Variants in NBEA observed in about 807,000 individuals in gnomAD.
The protein encoded by NBEA is neurobeachin, also known as lysosomal-trafficking regulator 2.
A neutral mutation model predicts 343.4 loss-of-function variants in NBEA; 44 were observed. The observed-to-expected ratio is 0.13, with a 90% CI of 0.10 to 0.16. NBEA has a LOEUF of 0.16. Among genes scored for constraint, NBEA ranks in the 10% least tolerant of loss-of-function variants. The pLI, the probability that NBEA is intolerant of heterozygous loss-of-function variation, is 1.00. For missense variants in NBEA, 2,555 were observed against 3,631.3 expected, an observed-to-expected ratio of 0.70 and a Z score of 7.62; for synonymous variants, 1,175 against 1,238.7, an observed-to-expected ratio of 0.95 and a Z score of 1.08.
intron 10 of NBEA, among the ~76,000 whole-genome samples, chr13:35,083,509 A>G (rs2064543605): frequency 6.6e-6 from 1 of 152,142 alleles, no homozygotes; most frequent in Admixed American, 6.6e-5. Context: ...CAGCCAAACT[A>G]AGCTTCATAA....
At chr13:35,293,639 C>A (rs1201391484) in intron 35 of NBEA, among the ~76,000 whole-genome samples, 1 of 151,844 alleles carries the variant, frequency 6.6e-6, no homozygotes, top group Non-Finnish European at 1.5e-5. Flanking sequence ...AGTGCTTATT[C>A]TCTATTTGTG....
At chr13:35,124,752 ATG>A (rs1246752839) in intron 17 of NBEA, among the ~76,000 whole-genome samples, 5 of 150,912 alleles carry the variant, frequency 3.3e-5, no homozygotes, top group African/African-American at 7.4e-5. Flanking sequence ...ATACACACAT[ATG>A]TATGGATATA....
At position 35,442,917 on chromosome 13, in the gene NBEA, G is replaced by A. The variant is rs369753628; in HGVS notation, c.6305-9175G>A. Among the ~76,000 whole-genome samples, 10 of 152,188 alleles carry A rather than the reference G, an allele frequency of 6.6e-5. No homozygotes were observed. In the East Asian group the frequency reaches 1.9e-3, roughly 29 times the overall value. The stretch of plus-strand genomic sequence containing the variant: ...ATCAGAGTATATTGTCAGCTTACTG[G>A]AGTTGGGGAAGCATGAAATGAAAAT... On this transcript the variant is annotated intron_variant, in intron 39 of 58. Coordinates refer to ENST00000379939, the MANE Select transcript of NBEA (RefSeq NM_001385012.1).
intron 1 of NBEA, among the ~76,000 whole-genome samples, chr13:34,958,814 G>T (rs1370773559): frequency 6.6e-6 from 1 of 152,120 alleles, no homozygotes; most frequent in African/African-American, 2.4e-5. Context: ...TATCAAAGTA[G>T]AGTTAAATGG....
At chr13:35,211,343 A>G (rs1474117575) in intron 33 of NBEA, among the ~76,000 whole-genome samples, 164 bp downstream of exon 33, 1 of 152,178 alleles carries the variant, frequency 6.6e-6, no homozygotes, top group African/African-American at 2.4e-5. Flanking sequence ...GTAAAAATCT[A>G]TGATATATTT....
At chr13:35,038,309 T>C (rs1013187240) in intron 1 of NBEA, among the ~76,000 whole-genome samples, 1 of 151,998 alleles carries the variant, frequency 6.6e-6, no homozygotes, top group African/African-American at 2.4e-5. Context: ...TGCTGTCCAA[T>C]AGTCAAGTCC....
intron 27 of NBEA, among the ~76,000 whole-genome samples, chr13:35,176,023 C>A (rs561825878): frequency 4.6e-5 from 7 of 151,972 alleles, no homozygotes; most frequent in Admixed American, 4.6e-4. Flanking sequence ...TTTTCTTTAA[C>A]CATCCTGTAG....
chr13:35,156,059 C>T, intron 19 of NBEA, 24 bp from the exon 20 acceptor site: 1 of 1,558,944 alleles, frequency 6.4e-7, no homozygotes, highest in African/African-American at 1.4e-5. Context: ...TACAAATCTA[C>T]AAGTTTTTTT....
intron 36 of NBEA, among the ~76,000 whole-genome samples, chr13:35,324,380 G>T (rs1023138732): frequency 6.6e-5 from 10 of 152,178 alleles, no homozygotes; most frequent in African/African-American, 2.4e-4. Flanking sequence ...CTCATGTCCT[G>T]TTGTACAGAT....
chr13:35,069,553 A>T (rs1180312612), intron 8 of NBEA, among the ~76,000 whole-genome samples: 1 of 152,142 alleles, frequency 6.6e-6, no homozygotes, highest in Non-Finnish European at 1.5e-5. Context: ...GTTTATTTAC[A>T]CAAATACTTT....
intron 49 of NBEA, among the ~76,000 whole-genome samples, chr13:35,631,856 A>G (rs2083469177): frequency 6.6e-6 from 1 of 152,286 alleles, no homozygotes; most frequent in African/African-American, 2.4e-5. Flanking sequence ...CAGATTGAAA[A>G]TTGACATTCT....
At chr13:35,078,901 A>G (rs1318032909) in intron 10 of NBEA, among the ~76,000 whole-genome samples, 3 of 152,176 alleles carry the variant, frequency 2.0e-5, no homozygotes, top group Non-Finnish European at 4.4e-5. Flanking sequence ...ACGTGCCTGT[A>G]GTCCCAGCTA....
At chr13:35,412,865 ATC>A (rs2043675509) in intron 38 of NBEA, among the ~76,000 whole-genome samples, 2 of 152,102 alleles carry the variant, frequency 1.3e-5, no homozygotes, top group African/African-American at 4.8e-5. Context: ...TAGTTGTATG[ATC>A]TTGGGCACAT....
At chr13:35,462,640 C>T (rs1307943049) in intron 40 of NBEA, among the ~76,000 whole-genome samples, 1 of 152,094 alleles carries the variant, frequency 6.6e-6, no homozygotes, top group African/African-American at 2.4e-5. Flanking sequence ...AAAAAAATCA[C>T]TCTGGCCCTT....
At chr13:35,350,192 A>G (rs2040112383) in intron 37 of NBEA, among the ~76,000 whole-genome samples, 1 of 152,178 alleles carries the variant, frequency 6.6e-6, no homozygotes, top group Admixed American at 6.6e-5. Context: ...TTGTGAGGAT[A>G]TAAGCAGATC....
intron 48 of NBEA, among the ~76,000 whole-genome samples, chr13:35,612,682 TA>T (rs2082578312): frequency 6.6e-6 from 1 of 152,178 alleles, no homozygotes; most frequent in East Asian, 1.9e-4. Context: ...GACAGTGTTA[TA>T]CCCCAAATTT....
At chr13:35,328,968 A>G (rs1374112415) in intron 36 of NBEA, among the ~76,000 whole-genome samples, 1 of 151,984 alleles carries the variant, frequency 6.6e-6, no homozygotes, top group African/African-American at 2.4e-5. Context: ...AGATCAACGG[A>G]AGGAAATAGA....
At position 35,429,561 on chromosome 13, in the gene NBEA, T is replaced by G. The variant is rs571261582; in HGVS notation, c.6180-2708T>G. On this transcript the variant is annotated intron_variant, in intron 38 of 58. Transcript: ENST00000379939. ...CAAAAACAACTCATCAATATGTTGT[T>G]CCTTAGGTCCTGGGGTCCTTAGCCA... 2.0e-5 allele frequency among the ~76,000 whole-genome samples: 3 copies of G among 152,298 alleles called. No individual in the cohort carries two copies. In the South Asian group the frequency reaches 6.2e-4, roughly 32 times the overall value.
intron 35 of NBEA, among the ~76,000 whole-genome samples, chr13:35,292,743 G>C (rs2035880821): frequency 6.6e-6 from 1 of 152,006 alleles, no homozygotes; most frequent in Admixed American, 6.6e-5. Flanking sequence ...TTTTTCCACA[G>C]TGAGAAATCC....
Sources: allele counts gnomAD v4.1 joint callset (sites outside exome capture counted in the v4.1 genomes callset), GRCh38; gene constraint gnomAD v4.1.1; transcripts MANE v1.5; gene names NCBI Gene and HGNC (gene_info 2026-07-23, HGNC 2026-07-21).